The following GGH variants were observed in gnomAD, a reference collection of about 807,000 sequenced individuals.
The protein encoded by GGH is gamma-glutamyl hydrolase.
Under a neutral mutation model 39.2 loss-of-function variants are expected in GGH, and 18 were observed. The observed-to-expected ratio is 0.46, with a 90% CI of 0.32 to 0.68. GGH has a LOEUF of 0.68. GGH is among the 30% of genes least tolerant of loss of function. GGH has a pLI of 0.04. For synonymous variants in GGH, 147 were observed against 138.8 expected, an observed-to-expected ratio of 1.06 and a Z score of -0.42; for missense variants, 367 against 384.1, an observed-to-expected ratio of 0.96 and a Z score of 0.37.
chr8:63,023,045 G>A (rs977749389), intron 7 of GGH, among the ~76,000 whole-genome samples: 1 of 152,138 alleles, frequency 6.6e-6, no homozygotes, highest in African/African-American at 2.4e-5. Flanking sequence ...TGGCTGTGAA[G>A]CACTCATTTT....
At chr8:63,026,933 G>A (rs1804697110) in intron 4 of GGH, 3 of 476,590 alleles carry the variant, frequency 6.3e-6, no homozygotes, top group South Asian at 2.7e-5. Context: ...ATGAGGACAC[G>A]GTTCACATTA....
intron 2 of GGH, 131 bp from the exon 3 acceptor site, chr8:63,030,348 C>T: frequency 1.8e-6 from 1 of 560,490 alleles, no homozygotes; most frequent in Non-Finnish European, 3.2e-6. Flanking sequence ...TACCTCTCTA[C>T]TTTTCTAGAG....
chr8:63,017,304 G>A, intron 8 of GGH, 189 bp downstream of exon 8: 1 of 483,658 alleles, frequency 2.1e-6, no homozygotes, highest in South Asian at 3.8e-5. Flanking sequence ...AACTGTCCTG[G>A]TTTTATTAGA....
chr8:63,015,913 G>A (rs555954532), intron 8 of GGH, among the ~76,000 whole-genome samples: 11 of 152,252 alleles, frequency 7.2e-5, no homozygotes, highest in Non-Finnish European at 1.2e-4. Flanking sequence ...GCTCAGCCTC[G>A]TAACCACACA....
chr8:63,022,927 T>C (rs1158894518), intron 7 of GGH, among the ~76,000 whole-genome samples: 2 of 152,244 alleles, frequency 1.3e-5, no homozygotes, highest in Non-Finnish European at 2.9e-5. Flanking sequence ...AAATATATTA[T>C]ACTTTATCTC....
In GGH at chr8:63,015,440, G is replaced by T; in HGVS notation, c.849C>A (p.Asn283Lys). The change falls in exon 9 of 9, where the codon AAC (asparagine) becomes AAA (lysine). Residue 283 changes from asparagine to lysine, a missense_variant. Asn to Lys is a moderately conservative substitution (Grantham distance 94). Transcript: ENST00000260118. ...EFFVNEARKN[N>K]HHFKSESEEE... Reference sequence around the variant, plus strand: ...CTTCAGATTCAGATTTAAAATGATGGTTGTTTTTCCGAGCTGCAAGAAAAA... The same window carrying T: ...CTTCAGATTCAGATTTAAAATGATGTTTGTTTTTCCGAGCTGCAAGAAAAA... 6.5e-7 allele frequency: 1 copy of T among 1,541,418 alleles called. No individual in the cohort carries two copies. Among genetic ancestry groups the T allele is most frequent in the Non-Finnish European group, 8.8e-7 (1 of 1,132,602 alleles).
At position 63,038,763 on chromosome 8, in the gene GGH, G is replaced by C. The variant is rs376225287; in HGVS notation, c.6C>G (p.Ala2=). M[A]SPGCLLCVLG... ...GCACGCACAGCAGGCAGCCCGGACT[G>C]GCCATGGCGCTCGCCGCCTCCCGCC... is the stretch of plus-strand genomic sequence containing the variant. The change falls in exon 1 of 9, where the codon GCC becomes GCG. Residue 2 remains alanine, a synonymous_variant. Transcript: ENST00000260118. The C allele has an allele frequency of 3.2e-6, 5 of 1,539,902 alleles. No homozygotes were observed. Among genetic ancestry groups the C allele is most frequent in the African/African-American group, 2.8e-5 (2 of 70,762 alleles).
intron 2 of GGH, 81 bp downstream of exon 2, chr8:63,035,570 GCTAGA>G (rs1804891146): frequency 6.6e-7 from 1 of 1,513,298 alleles, no homozygotes; most frequent in African/African-American, 1.4e-5. Flanking sequence ...CTCCCAAAGT[GCTAGA>G]ATTACAGGCA....
intron 7 of GGH, among the ~76,000 whole-genome samples, chr8:63,018,822 G>A (rs920187616): frequency 2.6e-5 from 4 of 152,152 alleles, no homozygotes; most frequent in Non-Finnish European, 4.4e-5. Context: ...TGCTTCATGC[G>A]TTGGAAAAGA....
At chr8:63,030,071 C>G in intron 3 of GGH, 96 bp downstream of exon 3, 1 of 647,942 alleles carries the variant, frequency 1.5e-6, no homozygotes, top group Non-Finnish European at 2.8e-6. Flanking sequence ...AAGACAGTTA[C>G]ATAGAAACAT....
At position 63,024,162 on chromosome 8, in the gene GGH, T is replaced by A. The variant is rs1804644563; in HGVS notation, c.524A>T (p.Gln175Leu). 6.2e-7 allele frequency: 1 copy of A among 1,605,154 alleles called. No homozygotes were observed. Among genetic ancestry groups the A allele is most frequent in the Non-Finnish European group, 8.5e-7 (1 of 1,172,150 alleles). ...CAGCAACAACTCAGTAGGAAAATTC[T>A]GGAACATTCTGCTGTGCAATTGACC... The part of the protein sequence containing the change: ...TGGQLHSRMF[Q>L]NFPTELLLSL... The change falls in exon 6 of 9, where the codon CAG (glutamine) becomes CTG (leucine). Residue 175 changes from glutamine to leucine, a missense_variant. Transcript: ENST00000260118.
chr8:63,020,701 T>C (rs1484725181), intron 7 of GGH, among the ~76,000 whole-genome samples: 1 of 152,146 alleles, frequency 6.6e-6, no homozygotes, highest in African/African-American at 2.4e-5. Flanking sequence ...AGCATGGCTC[T>C]GTGGAGGGAC....
In GGH at chr8:63,024,134, T is replaced by C; in HGVS notation, c.552A>G (p.Ser184=). 2 of 1,612,220 alleles carry C rather than the reference T, an allele frequency of 1.2e-6. No individual in the cohort carries two copies. The highest frequency in any genetic ancestry group is 1.7e-6 in the Non-Finnish European group (2 of 1,178,406). Residue 184 remains serine (S), a synonymous_variant, in exon 6 of 9, where the codon TCA becomes TCG. Coordinates refer to ENST00000260118, the MANE Select transcript of GGH (RefSeq NM_003878.3). ...TGGCAGTCAGAGGTTCTACTGCTAA[T>C]GACAGCAACAACTCAGTAGGAAAAT... ...FQNFPTELLL[S]LAVEPLTANF...
chr8:63,030,953 C>T (rs1256819346), intron 2 of GGH, among the ~76,000 whole-genome samples: 1 of 152,198 alleles, frequency 6.6e-6, no homozygotes, highest in Non-Finnish European at 1.5e-5. Flanking sequence ...GATATCTGCT[C>T]TCCCGAAAGT....
chr8:63,026,371 T>C, intron 4 of GGH, 75 bp from the exon 5 acceptor site: 1 of 1,162,964 alleles, frequency 8.6e-7, no homozygotes, highest in South Asian at 1.4e-5. Flanking sequence ...TCTTTTGTCA[T>C]AACCAAATAG....
In GGH at chr8:63,038,689, T is replaced by C. The variant is rs1160209185; in HGVS notation, c.80A>G (p.His27Arg). 3 of 1,540,026 alleles carry C rather than the reference T, an allele frequency of 1.9e-6. No individual in the cohort carries two copies. The highest frequency in any genetic ancestry group is 1.8e-5 in the Admixed American group (1 of 55,920). The change falls in exon 1 of 9, where the codon CAC becomes CGC. Residue 27 changes from histidine to arginine, a missense_variant. His to Arg is a conservative substitution (Grantham distance 29). Transcript: ENST00000260118. ...GAASLELSRPHGDTAKKPIIG... is the reference protein window; with the variant it reads ...GAASLELSRPRGDTAKKPIIG... ...GATGGGCTTCTTGGCGGTGTCGCCG[T>C]GGGGTCTAGACAGCTCGAGGCTCGC...
At chr8:63,032,038 C>A (rs913882066) in intron 2 of GGH, among the ~76,000 whole-genome samples, 3 of 151,996 alleles carry the variant, frequency 2.0e-5, no homozygotes, top group African/African-American at 7.2e-5. Context: ...GATTTGTGGT[C>A]TTTGGGGTTT....
chr8:63,016,242 G>A (rs772934734), intron 8 of GGH, among the ~76,000 whole-genome samples: 5 of 152,110 alleles, frequency 3.3e-5, no homozygotes, highest in African/African-American at 7.2e-5. Context: ...CAGCAAATGC[G>A]GCACTGCCAC....
At chr8:63,023,851 C>A in intron 7 of GGH, 56 bp downstream of exon 7, 1 of 1,227,978 alleles carries the variant, frequency 8.1e-7, no homozygotes, top group South Asian at 2.2e-5. Flanking sequence ...CATATAAAAT[C>A]AAAATTTAAA....
Sources: gnomAD v4.1 joint callset for allele counts (sites outside exome capture counted in the v4.1 genomes callset) on GRCh38, gnomAD v4.1.1 for gene constraint, MANE v1.5 for transcripts, NCBI Gene and HGNC (gene_info 2026-07-23, HGNC 2026-07-21) for gene names.